Variants in SCML4 observed in about 807,000 individuals in gnomAD.
The protein encoded by SCML4 is sex comb on midleg-like protein 4.
Under a neutral mutation model 41.1 loss-of-function variants are expected in SCML4, and 34 were observed. That is an observed-to-expected ratio of 0.83 (90% CI 0.63 to 1.10). The LOEUF is 1.10. Among genes scored for constraint, SCML4 ranks in the 50% least tolerant of loss-of-function variants. SCML4 has a pLI of 0.00. For missense variants in SCML4, 522 were observed against 534.1 expected (o/e 0.98, Z 0.22); for synonymous variants, 214 against 220.9 (o/e 0.97, Z 0.28).
chr6:107,759,368 A>ATACATACATACATACATACATAC (rs61536006), intron 2 of SCML4, among the ~76,000 whole-genome samples: 18 of 149,120 alleles, frequency 1.2e-4, no homozygotes, highest in South Asian at 6.3e-4. Flanking sequence ...TACATACATA[A>ATACATACATACATACATACATAC]GGCTGCTGTT....
intron 5 of SCML4, among the ~76,000 whole-genome samples, chr6:107,734,296 T>C (rs935383726): frequency 1.3e-5 from 2 of 152,252 alleles, no homozygotes; most frequent in Non-Finnish European, 2.9e-5. Flanking sequence ...CTTCTTTTGT[T>C]TGTTTGTTTG....
rs192734799 is a variant in SCML4, at chr6:107,702,747, G to T, written c.*2453C>A. Among the ~76,000 whole-genome samples, 441 of 152,302 alleles carry T rather than the reference G, an allele frequency of 2.9e-3. 1 individual carries two copies. Among genetic ancestry groups the T allele is most frequent in the Middle Eastern group, 0.01 (3 of 294 alleles). ...AAAATCTTGAAGACTCTGCCCCAAG[G>T]CCTGATTCAAGGTACTTTTCTCAGG... is the stretch of plus-strand genomic sequence containing the variant. On this transcript the variant is annotated 3_prime_UTR_variant, in exon 8 of 8. Coordinates refer to ENST00000369020, the MANE Select transcript of SCML4 (RefSeq NM_198081.5).
At position 107,746,688 on chromosome 6, in the gene SCML4, C is replaced by T; in HGVS notation, c.487+1G>A. 2 of 1,613,548 alleles carry T rather than the reference C, an allele frequency of 1.2e-6. No individual in the cohort carries two copies. The highest frequency in any genetic ancestry group is 1.7e-6 in the Non-Finnish European group (2 of 1,179,686). On this transcript the variant is annotated splice_donor_variant, in intron 4 of 7. Transcript: ENST00000369020. LOFTEE classifies it high-confidence loss of function. Reference sequence around the variant, plus strand: ...CTCATGCAACCTGCCCCAGGCCTTACCTGACACCATCTCACCACCATAGCC... The same window carrying T: ...CTCATGCAACCTGCCCCAGGCCTTATCTGACACCATCTCACCACCATAGCC...
intron 1 of SCML4, among the ~76,000 whole-genome samples, chr6:107,782,569 T>C (rs1224792402): frequency 1.3e-5 from 2 of 152,290 alleles, no homozygotes; most frequent in Non-Finnish European, 1.5e-5. Context: ...TGCTCTTCTC[T>C]GCACCAAAGC....
At chr6:107,758,796 G>T (rs1388530962) in intron 2 of SCML4, among the ~76,000 whole-genome samples, 3 of 152,092 alleles carry the variant, frequency 2.0e-5, no homozygotes, top group Non-Finnish European at 4.4e-5. Context: ...CTGACACCCT[G>T]ATTTCAGTCT....
chr6:107,833,533 C>T, the SCML4 span, among the ~76,000 whole-genome samples: 5 of 152,032 alleles, frequency 3.3e-5, no homozygotes, highest in African/African-American at 9.7e-5. Context: ...AGTAACAGGA[C>T]GTGGCAACAC....
chr6:107,726,518 C>T (rs1489680963), intron 5 of SCML4, among the ~76,000 whole-genome samples: 2 of 119,160 alleles, frequency 1.7e-5, no homozygotes, highest in South Asian at 2.6e-4. Flanking sequence ...GGGCAACAGA[C>T]CGAGACTCCA....
At chr6:107,801,477 T>C (rs1330039432) in intron 1 of SCML4, among the ~76,000 whole-genome samples, 2 of 152,214 alleles carry the variant, frequency 1.3e-5, no homozygotes, top group African/African-American at 4.8e-5. Context: ...CTGCTAATCC[T>C]ACAATGAGCT....
chr6:107,741,665 G>A (rs1777610636), intron 5 of SCML4, among the ~76,000 whole-genome samples: 1 of 152,212 alleles, frequency 6.6e-6, no homozygotes, highest in South Asian at 2.1e-4. Flanking sequence ...ACACTGCTGG[G>A]ATATACCTTT....
At chr6:107,767,273 T>C (rs4946861) in intron 2 of SCML4, among the ~76,000 whole-genome samples, 37,707 of 152,014 alleles carry the variant, frequency 0.25, 5,736 homozygotes, top group African/African-American at 0.43. Context: ...CTATCTTTAA[T>C]GTCTGTAATA....
At chr6:107,741,682 C>G (rs1562205423) in intron 5 of SCML4, among the ~76,000 whole-genome samples, 1 of 152,206 alleles carries the variant, frequency 6.6e-6, no homozygotes, top group Non-Finnish European at 1.5e-5. Flanking sequence ...CTTTTTGGGA[C>G]CTTCTGCATT....
In SCML4 at chr6:107,772,246, G is replaced by T. The variant is rs1780582067; in HGVS notation, c.82C>A (p.Leu28Ile). 1 of 1,551,586 alleles carries T rather than the reference G, an allele frequency of 6.4e-7. No individual in the cohort carries two copies. Among genetic ancestry groups the T allele is most frequent in the African/African-American group, 1.4e-5 (1 of 73,034 alleles). Residue 28 changes from leucine (L) to isoleucine (I), a missense_variant, in exon 2 of 8, where the codon CTT (leucine) becomes ATT (isoleucine). Transcript: ENST00000369020. ...STPMKMAVHN[L>I]YSASAGSLPA... ...AAAGAGCCAGCTGAAGCAGAATAAA[G>T]GTTATGAACTGCCATCTTCATAGGC... is the stretch of plus-strand genomic sequence containing the variant.
At chr6:107,784,669 T>C (rs1318460458) in intron 1 of SCML4, among the ~76,000 whole-genome samples, 3 of 152,236 alleles carry the variant, frequency 2.0e-5, no homozygotes, top group Non-Finnish European at 4.4e-5. Context: ...ATAAAAACAA[T>C]CCAATAAAGT....
At chr6:107,735,035 C>G (rs1776919541) in intron 5 of SCML4, among the ~76,000 whole-genome samples, 1 of 152,092 alleles carries the variant, frequency 6.6e-6, no homozygotes, top group African/African-American at 2.4e-5. Context: ...ACCACCACAC[C>G]TGGCTAAGTT....
In SCML4 at chr6:107,796,287, G is replaced by GT. The variant is rs565961613; in HGVS notation, c.-59-23902dup. Reference sequence around the variant, plus strand: ...TTATACCATTTTCACTCCCAGCAATGTAAGAGAGGGCCAGTTGCTCCATAT... The same window carrying GT: ...TTATACCATTTTCACTCCCAGCAATGTTAAGAGAGGGCCAGTTGCTCCATAT... On this transcript the variant is annotated intron_variant, in intron 1 of 7. Transcript: ENST00000369020. 2.0e-5 allele frequency among the ~76,000 whole-genome samples: 3 copies of GT among 152,260 alleles called. No individual in the cohort carries two copies. The South Asian group carries it at 6.2e-4, about 32-fold the overall frequency.
At chr6:107,741,669 T>C (rs2093060328) in intron 5 of SCML4, among the ~76,000 whole-genome samples, 1 of 152,246 alleles carries the variant, frequency 6.6e-6, no homozygotes, top group South Asian at 2.1e-4. Flanking sequence ...TGCTGGGATA[T>C]ACCTTTTTGG....
At position 107,721,465 on chromosome 6, in the gene SCML4, T is replaced by A. The variant is rs187267054; in HGVS notation, c.683-472A>T. Among the ~76,000 whole-genome samples, 536 of 151,742 alleles carry A rather than the reference T, an allele frequency of 3.5e-3. 2 individuals carry two copies. Among genetic ancestry groups the A allele is most frequent in the Admixed American group, 6.8e-3 (104 of 15,244 alleles). On this transcript the variant is annotated intron_variant, in intron 5 of 7. Transcript: ENST00000369020. ...CTGTAATCCCAGCTACTCAGGAGGCTGAGGCAGGAGAATCGCTTGAACCCG... is the reference window on the plus strand; with the variant it reads ...CTGTAATCCCAGCTACTCAGGAGGCAGAGGCAGGAGAATCGCTTGAACCCG...
rs7754852 is a variant in SCML4, at chr6:107,738,796, C to T, written c.682+6153G>A. Among the ~76,000 whole-genome samples the T allele has an allele frequency of 4.1e-3, 618 of 152,224 alleles. 7 individuals are homozygous for T. In the East Asian group the frequency reaches 0.053, roughly 13 times the overall value. On this transcript the variant is annotated intron_variant, in intron 5 of 7. Transcript: ENST00000369020. ...ATGCTTTGAAGGTAACCTGCCCTCC[C>T]GCTGTACAGGGCTGTTCTCTGCCAC...
chr6:107,818,151 G>T (rs1433961578), intron 1 of SCML4, among the ~76,000 whole-genome samples: 2 of 152,136 alleles, frequency 1.3e-5, no homozygotes, highest in African/African-American at 2.4e-5. Flanking sequence ...TCCACTTGAA[G>T]TTTTTTTGCA....
Sources: allele counts gnomAD v4.1 joint callset (sites outside exome capture counted in the v4.1 genomes callset), GRCh38; gene constraint gnomAD v4.1.1; transcripts MANE v1.5; gene names NCBI Gene and HGNC (gene_info 2026-07-23, HGNC 2026-07-21).